NDST4: variants seen among roughly 807,000 people sequenced by gnomAD.
NDST4 encodes the protein N-heparan sulfate sulfotransferase 4.
Under a neutral mutation model 100.8 loss-of-function variants are expected in NDST4, and 63 were observed. That is an observed-to-expected ratio of 0.62 (90% confidence interval 0.51 to 0.77). The LOEUF (loss-of-function observed/expected upper bound fraction) is 0.77. NDST4 is among the 30% of genes least tolerant of loss of function. NDST4 has a pLI of 0.00. For synonymous variants in NDST4, 377 were observed against 361.8 expected (o/e 1.04, Z -0.48); for missense variants, 943 against 1,018.4 (o/e 0.93, Z 1.01).
intron 4 of NDST4, among the ~76,000 whole-genome samples, chr4:114,941,994 A>AT (rs1355687873): frequency 6.6e-6 from 1 of 152,204 alleles, no homozygotes; most frequent in African/African-American, 2.4e-5. Flanking sequence ...CAGAGGAAAA[A>AT]TTTGGTAAAA....
chr4:114,945,835 T>G (rs1725850281), intron 4 of NDST4, among the ~76,000 whole-genome samples: 1 of 152,198 alleles, frequency 6.6e-6, no homozygotes, highest in South Asian at 2.1e-4. Context: ...CTTCTTCTGT[T>G]TTCATAAGTG....
intron 4 of NDST4, among the ~76,000 whole-genome samples, chr4:114,952,119 C>A (rs1238233031): frequency 6.6e-6 from 1 of 151,934 alleles, no homozygotes; most frequent in African/African-American, 2.4e-5. Flanking sequence ...ACAGAATGAT[C>A]AAGTAAAGCA....
At chr4:114,975,476 C>T (rs903966526) in intron 3 of NDST4, among the ~76,000 whole-genome samples, 1 of 152,056 alleles carries the variant, frequency 6.6e-6, no homozygotes, top group African/African-American at 2.4e-5. Context: ...TTCTTTTTTA[C>T]TGTCCTTCTT....
intron 8 of NDST4, among the ~76,000 whole-genome samples, chr4:114,851,806 A>G (rs576192945): frequency 1.3e-5 from 2 of 152,256 alleles, no homozygotes; most frequent in South Asian, 4.1e-4. Flanking sequence ...TTATATTCCT[A>G]GAGAAAGAAA....
At chr4:114,962,034 T>C (rs892824286) in intron 4 of NDST4, among the ~76,000 whole-genome samples, 2 of 152,032 alleles carry the variant, frequency 1.3e-5, no homozygotes, top group Non-Finnish European at 2.9e-5. Context: ...TAACTTAACA[T>C]CTAAAAATCA....
At chr4:114,840,772 T>C (rs1723407679) in intron 10 of NDST4, among the ~76,000 whole-genome samples, 1 of 152,172 alleles carries the variant, frequency 6.6e-6, no homozygotes, top group Non-Finnish European at 1.5e-5. Flanking sequence ...TGGTCCGTGC[T>C]ATGACTGTGT....
chr4:114,854,645 T>A (rs953038898), intron 7 of NDST4, among the ~76,000 whole-genome samples: 12 of 152,166 alleles, frequency 7.9e-5, no homozygotes, highest in Non-Finnish European at 1.6e-4. Flanking sequence ...ATTTTTTGTA[T>A]TTTTAGTAAA....
At chr4:114,829,493 CTATT>C (rs1302877970) in intron 13 of NDST4, among the ~76,000 whole-genome samples, 5 of 152,068 alleles carry the variant, frequency 3.3e-5, no homozygotes, top group Admixed American at 1.3e-4. Flanking sequence ...GTTTAGTAAA[CTATT>C]TAAGTGCTTT....
At chr4:115,038,179 T>C (rs943842946) in intron 2 of NDST4, among the ~76,000 whole-genome samples, 4 of 152,216 alleles carry the variant, frequency 2.6e-5, no homozygotes, top group African/African-American at 9.6e-5. Flanking sequence ...AGTAAGAAAC[T>C]ATAAACAGGA....
intron 1 of NDST4, among the ~76,000 whole-genome samples, chr4:115,107,218 T>A (rs984863052): frequency 6.6e-6 from 1 of 151,966 alleles, no homozygotes; most frequent in Non-Finnish European, 1.5e-5. Context: ...GAGAAAAAAA[T>A]TTAAAAACCA....
At chr4:114,972,948 C>G (rs917897131) in intron 3 of NDST4, among the ~76,000 whole-genome samples, 2 of 152,000 alleles carry the variant, frequency 1.3e-5, no homozygotes, top group Non-Finnish European at 2.9e-5. Flanking sequence ...CTCAAAAAAG[C>G]TGAGAGTAAC....
rs561309412 is a variant in NDST4 at position 114,877,269 on chromosome 4, G to A, written c.1537-6319C>T. Among the ~76,000 whole-genome samples, 4 of 152,054 alleles carry A rather than the reference G, an allele frequency of 2.6e-5. No individual in the cohort carries two copies. The South Asian group carries it at 6.2e-4, about 24-fold the overall frequency. On this transcript the variant is annotated intron_variant, in intron 6 of 13. Coordinates refer to ENST00000264363, the MANE Select transcript of NDST4 (RefSeq NM_022569.3). ...ATAACAACCCTATATTGCAACTTAC[G>A]ATATTTCCTCATAAGCTTTTCCTAG...
At chr4:114,974,775 C>G (rs934061804) in intron 3 of NDST4, among the ~76,000 whole-genome samples, 1 of 152,000 alleles carries the variant, frequency 6.6e-6, no homozygotes, top group East Asian at 1.9e-4. Context: ...TTGTTTTTAG[C>G]ATGTGAAGGA....
intron 6 of NDST4, among the ~76,000 whole-genome samples, chr4:114,894,136 C>T (rs941651412): frequency 2.0e-5 from 3 of 152,144 alleles, no homozygotes; most frequent in Non-Finnish European, 2.9e-5. Context: ...GTTTTTGTTA[C>T]TGTAGCCTTG....
At chr4:114,959,660 G>A (rs1274336983) in intron 4 of NDST4, among the ~76,000 whole-genome samples, 2 of 152,034 alleles carry the variant, frequency 1.3e-5, no homozygotes, top group African/African-American at 4.8e-5. Context: ...AACCATATCA[G>A]GGTTCAACAA....
At chr4:114,877,433 A>G (rs10019977) in intron 6 of NDST4, among the ~76,000 whole-genome samples, 1 of 152,168 alleles carries the variant, frequency 6.6e-6, no homozygotes, top group Non-Finnish European at 1.5e-5. Flanking sequence ...TAAGATAATA[A>G]GTACTTAAGA....
intron 2 of NDST4, among the ~76,000 whole-genome samples, chr4:115,022,114 C>T (rs984052781): frequency 7.7e-5 from 10 of 130,620 alleles, no homozygotes; most frequent in African/African-American, 2.8e-4. Context: ...CGTCTATACA[C>T]GTTCCATATA....
intron 7 of NDST4, among the ~76,000 whole-genome samples, chr4:114,861,889 C>G (rs555810930): frequency 6.6e-6 from 1 of 152,146 alleles, no homozygotes; most frequent in Non-Finnish European, 1.5e-5. Flanking sequence ...AGCTTCTTCC[C>G]ACTCTTGTCT....
intron 6 of NDST4, 116 bp downstream of exon 6, chr4:114,935,090 C>A: frequency 1.3e-6 from 1 of 794,250 alleles, no homozygotes. Context: ...AAATGCATGA[C>A]CAGTAAGATG....
Sources: allele counts gnomAD v4.1 joint callset (sites outside exome capture counted in the v4.1 genomes callset), GRCh38; gene constraint gnomAD v4.1.1; transcripts MANE v1.5; gene names NCBI Gene and HGNC (gene_info 2026-07-23, HGNC 2026-07-21).